Variants in ASIC2 observed in about 807,000 individuals in gnomAD.
The protein encoded by ASIC2 is acid-sensing ion channel 2.
Under a neutral mutation model 57.3 loss-of-function variants are expected in ASIC2, and 25 were observed. That is an observed-to-expected ratio of 0.44 (90% CI 0.32 to 0.61). The LOEUF is 0.61. Ranked by LOEUF, ASIC2 falls within the 20% of genes least tolerant of loss-of-function variation. The pLI is 0.06. For synonymous variants in ASIC2, 319 were observed against 307.5 expected (o/e 1.04, Z -0.39); for missense variants, 641 against 738.1 (o/e 0.87, Z 1.52).
At chr17:34,071,210 G>A (rs544357028) in intron 1 of ASIC2, 39 of 152,126 alleles carry the variant, frequency 2.6e-4, no homozygotes, top group African/African-American at 9.4e-4. Context: ...ATATATCCAG[G>A]TATTGAGATA....
intron 1 of ASIC2, among the ~76,000 whole-genome samples, chr17:33,251,808 A>G (rs1483028500): frequency 2.0e-5 from 3 of 152,190 alleles, no homozygotes; most frequent in African/African-American, 7.2e-5. Context: ...ATCTGTATTC[A>G]AAGACTGTGC....
At chr17:33,934,960 T>C (rs758032423) in intron 1 of ASIC2, among the ~76,000 whole-genome samples, 1 of 152,304 alleles carries the variant, frequency 6.6e-6, no homozygotes, top group African/African-American at 2.4e-5. Context: ...TCCTCATACA[T>C]ACTGACATGC....
intron 1 of ASIC2, among the ~76,000 whole-genome samples, chr17:33,997,210 C>T (rs867592132): frequency 2.0e-5 from 3 of 151,848 alleles, no homozygotes; most frequent in East Asian, 3.9e-4. Flanking sequence ...GGTGCAGCCT[C>T]GGTTCACTGC....
At chr17:33,959,856 AC>A (rs1224559263) in intron 1 of ASIC2, among the ~76,000 whole-genome samples, 1 of 152,242 alleles carries the variant, frequency 6.6e-6, no homozygotes, top group Non-Finnish European at 1.5e-5. Flanking sequence ...GATCAAGTTG[AC>A]ACTCAATATT....
At chr17:33,350,831 A>G (rs1431201200) in intron 1 of ASIC2, among the ~76,000 whole-genome samples, 1 of 152,236 alleles carries the variant, frequency 6.6e-6, no homozygotes, top group African/African-American at 2.4e-5. Flanking sequence ...AAAAAAAGAA[A>G]AAAAAAGCCC....
intron 1 of ASIC2, chr17:34,038,376 C>T (rs1242086597): frequency 2.5e-6 from 4 of 1,611,342 alleles, no homozygotes; most frequent in Admixed American, 3.3e-5. Flanking sequence ...CTGGGATGGT[C>T]CAGCTCTTTA....
intron 1 of ASIC2, among the ~76,000 whole-genome samples, chr17:33,712,271 C>T (rs1909058973): frequency 6.6e-6 from 1 of 152,130 alleles, no homozygotes; most frequent in East Asian, 1.9e-4. Context: ...TTGATGTTTG[C>T]AAGACGCTGT....
intron 1 of ASIC2, among the ~76,000 whole-genome samples, chr17:33,467,695 A>G (rs1338316593): frequency 6.6e-6 from 1 of 152,244 alleles, no homozygotes; most frequent in East Asian, 1.9e-4. Context: ...TCTTTAGAGA[A>G]TAACTTAATT....
intron 1 of ASIC2, among the ~76,000 whole-genome samples, chr17:33,289,803 T>C (rs1017557248): frequency 6.6e-6 from 1 of 152,222 alleles, no homozygotes; most frequent in Admixed American, 6.5e-5. Flanking sequence ...TTACATTTGA[T>C]GGGCCATGCT....
intron 1 of ASIC2, among the ~76,000 whole-genome samples, chr17:34,124,640 C>T (rs971428871): frequency 8.5e-5 from 13 of 152,148 alleles, no homozygotes; most frequent in Non-Finnish European, 1.9e-4. Context: ...ACATTTATTT[C>T]TCACACTTCC....
At chr17:33,149,690 A>G (rs1196553766) in intron 1 of ASIC2, among the ~76,000 whole-genome samples, 1 of 152,206 alleles carries the variant, frequency 6.6e-6, no homozygotes, top group Non-Finnish European at 1.5e-5. Flanking sequence ...TGACTTAAAA[A>G]TTGAAAAAAA....
intron 1 of ASIC2, among the ~76,000 whole-genome samples, chr17:33,178,850 T>TC (rs1905866997): frequency 6.6e-6 from 1 of 152,170 alleles, no homozygotes; most frequent in Non-Finnish European, 1.5e-5. Flanking sequence ...GGATCCTGCA[T>TC]CCCCGACAGC....
chr17:34,117,119 C>T (rs1216207913), intron 1 of ASIC2, among the ~76,000 whole-genome samples: 1 of 151,896 alleles, frequency 6.6e-6, no homozygotes, highest in Non-Finnish European at 1.5e-5. Flanking sequence ...CAGATTCATC[C>T]CTTCAATTCA....
intron 1 of ASIC2, among the ~76,000 whole-genome samples, chr17:33,993,453 T>G (rs1253955290): frequency 1.3e-5 from 2 of 152,228 alleles, no homozygotes; most frequent in Non-Finnish European, 2.9e-5. Flanking sequence ...GCCACATGGC[T>G]GTTATTTTTC....
intron 1 of ASIC2, among the ~76,000 whole-genome samples, chr17:33,775,450 G>C (rs1245997033): frequency 6.6e-6 from 1 of 152,238 alleles, no homozygotes; most frequent in Non-Finnish European, 1.5e-5. Context: ...ACAGCTGGAA[G>C]AATTATGTGA....
chr17:33,409,405 G>T (rs1287612787), intron 1 of ASIC2, among the ~76,000 whole-genome samples: 1 of 152,156 alleles, frequency 6.6e-6, no homozygotes, highest in Non-Finnish European at 1.5e-5. Flanking sequence ...CTTTGGGAGA[G>T]ACTAGGGATC....
At chr17:33,021,182 T>C (rs1446008622) in intron 7 of ASIC2, 37 bp downstream of exon 7, 4 of 541,282 alleles carry the variant, frequency 7.4e-6, no homozygotes, top group South Asian at 5.8e-5. Context: ...CCACCCTCTA[T>C]GAGATGTGGA....
intron 1 of ASIC2, among the ~76,000 whole-genome samples, chr17:33,661,117 C>T (rs183197073): frequency 5.3e-5 from 8 of 152,268 alleles, no homozygotes; most frequent in African/African-American, 1.4e-4. Context: ...CCTCTGCCCC[C>T]GCTGCTGTCT....
At chr17:34,102,261 C>G (rs1410140085) in intron 1 of ASIC2, among the ~76,000 whole-genome samples, 1 of 152,066 alleles carries the variant, frequency 6.6e-6, no homozygotes, top group Non-Finnish European at 1.5e-5. Flanking sequence ...TCCCAGGAGG[C>G]AGAGGTTGCA....
Sources: allele counts gnomAD v4.1 joint callset (sites outside exome capture counted in the v4.1 genomes callset), GRCh38; gene constraint gnomAD v4.1.1; transcripts MANE v1.5; gene names NCBI Gene and HGNC (gene_info 2026-07-23, HGNC 2026-07-21).